The following SLC44A5 variants were observed in gnomAD, a reference collection of about 807,000 sequenced individuals.
The protein encoded by SLC44A5 is choline transporter-like protein 5.
A neutral mutation model predicts 101.8 loss-of-function variants in SLC44A5; 57 were observed. That is an observed-to-expected ratio of 0.56 (90% CI 0.45 to 0.70). The LOEUF (loss-of-function observed/expected upper bound fraction) is 0.70. SLC44A5 is among the 30% of genes least tolerant of loss of function. SLC44A5 has a pLI of 0.00. For synonymous variants in SLC44A5, 281 were observed against 290.9 expected (o/e 0.97, Z 0.35); for missense variants, 737 against 853.1 (o/e 0.86, Z 1.70).
At chr1:75,629,063 C>T in the SLC44A5 span, among the ~76,000 whole-genome samples, 1 of 151,862 alleles carries the variant, frequency 6.6e-6, no homozygotes, top group African/African-American at 2.4e-5. Flanking sequence ...TTAATTATCT[C>T]CAACAATAAA....
chr1:75,525,115 A>G (rs1201767639), intron 2 of SLC44A5, among the ~76,000 whole-genome samples: 1 of 152,186 alleles, frequency 6.6e-6, no homozygotes, highest in African/African-American at 2.4e-5. Context: ...TAATTATTTC[A>G]GGCAAAGATC....
the SLC44A5 span, among the ~76,000 whole-genome samples, chr1:75,664,996 T>C: frequency 2.0e-5 from 3 of 149,674 alleles, no homozygotes; most frequent in Non-Finnish European, 4.4e-5. Context: ...CGTTTATAGA[T>C]GGGAAGAATC....
intron 2 of SLC44A5, among the ~76,000 whole-genome samples, chr1:75,463,545 G>A (rs564210428): frequency 5.9e-5 from 9 of 151,918 alleles, no homozygotes; most frequent in African/African-American, 2.2e-4. Flanking sequence ...CCAGGAAAGA[G>A]TGCATGATAT....
chr1:75,679,304 C>G, the SLC44A5 span, among the ~76,000 whole-genome samples: 2 of 152,090 alleles, frequency 1.3e-5, no homozygotes, highest in South Asian at 4.2e-4. Context: ...CCAAGACATG[C>G]AATTGTCAGA....
At chr1:75,554,189 G>C (rs1467004243) in intron 1 of SLC44A5, among the ~76,000 whole-genome samples, 5 of 152,084 alleles carry the variant, frequency 3.3e-5, no homozygotes, top group African/African-American at 4.8e-5. Context: ...AGTAATTGAA[G>C]TATCAGGCTG....
chr1:75,445,776 C>G (rs556546517), intron 2 of SLC44A5, among the ~76,000 whole-genome samples: 1 of 152,034 alleles, frequency 6.6e-6, no homozygotes, highest in Admixed American at 6.6e-5. Flanking sequence ...TCTCCAACTG[C>G]CCATGTGGCA....
chr1:75,216,729 C>T (rs188275677), intron 18 of SLC44A5, among the ~76,000 whole-genome samples: 1 of 151,934 alleles, frequency 6.6e-6, no homozygotes, highest in East Asian at 1.9e-4. Flanking sequence ...CTTTTCATGT[C>T]CTCATTGGCC....
At chr1:75,521,140 CAG>C (rs1312161320) in intron 2 of SLC44A5, among the ~76,000 whole-genome samples, 6 of 152,232 alleles carry the variant, frequency 3.9e-5, no homozygotes, top group Admixed American at 2.0e-4. Flanking sequence ...AAAACAAAAA[CAG>C]GGGTAGCATT....
intron 4 of SLC44A5, among the ~76,000 whole-genome samples, chr1:75,328,186 A>G (rs1200400302): frequency 6.6e-6 from 1 of 152,122 alleles, no homozygotes; most frequent in Non-Finnish European, 1.5e-5. Flanking sequence ...AAAATAATCT[A>G]TTTTCCCACT....
At position 75,403,702 on chromosome 1, in the gene SLC44A5, A is replaced by G. The variant is rs535958129; in HGVS notation, c.14-7081T>C. ...AAAAACCCATCTGAAGGTCGCCAAC[A>G]TCAAAGACCAAAGATACATAAATCC... On this transcript the variant is annotated intron_variant, in intron 2 of 23. Transcript: ENST00000370859. 2.0e-4 allele frequency among the ~76,000 whole-genome samples: 30 copies of G among 152,302 alleles called. 1 individual carries two copies. In the South Asian group the frequency reaches 5.6e-3, roughly 28 times the overall value.
chr1:75,707,782 AAGAC>A, the SLC44A5 span, among the ~76,000 whole-genome samples: 14 of 152,194 alleles, frequency 9.2e-5, no homozygotes, highest in Non-Finnish European at 1.9e-4. Flanking sequence ...AATCAAAAGA[AAGAC>A]AGTACTCCAG....
chr1:75,713,652 G>A, the SLC44A5 span, among the ~76,000 whole-genome samples: 2 of 152,260 alleles, frequency 1.3e-5, no homozygotes, highest in East Asian at 3.9e-4. Context: ...GAGAACACCT[G>A]TAAGATTTAT....
the SLC44A5 span, among the ~76,000 whole-genome samples, chr1:75,721,368 T>C: frequency 1.1e-4 from 17 of 152,212 alleles, no homozygotes; most frequent in African/African-American, 4.1e-4. Context: ...CCAACATAAA[T>C]TTGTAAGCTT....
At chr1:75,432,720 T>C (rs1426940572) in intron 2 of SLC44A5, among the ~76,000 whole-genome samples, 1 of 152,014 alleles carries the variant, frequency 6.6e-6, no homozygotes, top group East Asian at 1.9e-4. Context: ...TAGCTCAAAA[T>C]ACATTTCAAA....
chr1:75,712,709 A>AC, the SLC44A5 span, among the ~76,000 whole-genome samples: 1 of 139,338 alleles, frequency 7.2e-6, no homozygotes, highest in Non-Finnish European at 1.5e-5. Context: ...AAAAAAAAAA[A>AC]AAAAATGGAA....
the SLC44A5 span, among the ~76,000 whole-genome samples, chr1:75,623,871 C>T: frequency 1.3e-5 from 2 of 152,082 alleles, no homozygotes; most frequent in African/African-American, 4.8e-5. Context: ...GGGACTGATA[C>T]TGAAACTTTC....
At chr1:75,302,749 AAC>A (rs1654592832) in intron 4 of SLC44A5, among the ~76,000 whole-genome samples, 1 of 152,214 alleles carries the variant, frequency 6.6e-6, no homozygotes, top group African/African-American at 2.4e-5. Flanking sequence ...GGGTTACTTG[AAC>A]ACAAGCACTG....
At chr1:75,447,465 A>C (rs1342289998) in intron 2 of SLC44A5, among the ~76,000 whole-genome samples, 2 of 152,188 alleles carry the variant, frequency 1.3e-5, no homozygotes, top group African/African-American at 4.8e-5. Context: ...TTTGATAGAA[A>C]TATTTTAAAA....
intron 2 of SLC44A5, among the ~76,000 whole-genome samples, chr1:75,421,327 G>A (rs922819018): frequency 3.9e-5 from 6 of 151,976 alleles, no homozygotes; most frequent in African/African-American, 9.7e-5. Flanking sequence ...ACCCTATTTC[G>A]CCTGAAGACT....
Sources: gnomAD v4.1 joint callset for allele counts (sites outside exome capture counted in the v4.1 genomes callset) on GRCh38, gnomAD v4.1.1 for gene constraint, MANE v1.5 for transcripts, NCBI Gene and HGNC (gene_info 2026-07-23, HGNC 2026-07-21) for gene names.